TMEM144: variants seen among roughly 807,000 people sequenced by gnomAD.
TMEM144 encodes transmembrane protein 144.
Under a neutral mutation model 43.6 loss-of-function variants are expected in TMEM144, and 39 were observed. The observed-to-expected ratio is 0.90, with a 90% CI of 0.69 to 1.17. TMEM144 has a LOEUF of 1.17. Ranked by LOEUF, TMEM144 falls within the 50% of genes most tolerant of loss-of-function variation. The pLI, the probability that TMEM144 is intolerant of heterozygous loss-of-function variation, is 0.00. For missense variants in TMEM144, 417 were observed against 411.9 expected (o/e 1.01, Z -0.11); for synonymous variants, 154 against 133.6 (o/e 1.15, Z -1.06).
chr4:158,247,475 A>G (rs1386188553), intron 12 of TMEM144, among the ~76,000 whole-genome samples: 1 of 152,072 alleles, frequency 6.6e-6, no homozygotes, highest in East Asian at 1.9e-4. Context: ...ATTGGTGACA[A>G]AAATTAAAAA....
At chr4:158,249,272 A>G (rs1398988719) in intron 12 of TMEM144, among the ~76,000 whole-genome samples, 4 of 152,196 alleles carry the variant, frequency 2.6e-5, no homozygotes, top group Non-Finnish European at 5.9e-5. Flanking sequence ...TAAATCTTTA[A>G]GCTAGATATA....
chr4:158,216,723 A>T (rs568612336), intron 4 of TMEM144, among the ~76,000 whole-genome samples: 3 of 152,252 alleles, frequency 2.0e-5, no homozygotes, highest in Non-Finnish European at 4.4e-5. Flanking sequence ...GAAAAATAGT[A>T]GCCAGAGAAA....
rs5863314 is a variant in TMEM144, at chr4:158,250,195, C to CAT, written c.955-3215_955-3214dup. ...TTTGATTTTGTTAATTAATACATAA[C>CAT]ATATATATATATATATATATATATA... On this transcript the variant is annotated intron_variant, in intron 12 of 12. Transcript: ENST00000296529. Among the ~76,000 whole-genome samples, 1,259 of 135,282 alleles carry CAT rather than the reference C, an allele frequency of 9.3e-3. 5 individuals carry two copies. Among genetic ancestry groups the CAT allele is most frequent in the African/African-American group, 0.014 (552 of 38,262 alleles). The allele number at this position is 135,282 out of a possible 152,430, so 88.8% of individuals were successfully genotyped here. A position where few individuals can be genotyped will look rare whatever the true frequency, so the allele number is the denominator to read the frequency against.
intron 8 of TMEM144, among the ~76,000 whole-genome samples, chr4:158,236,640 T>C (rs1297900889): frequency 6.6e-6 from 1 of 152,100 alleles, no homozygotes; most frequent in African/African-American, 2.4e-5. Context: ...TGGAGGGAAT[T>C]GTTTTTGCCT....
intron 5 of TMEM144, 58 bp from the exon 6 acceptor site, chr4:158,219,252 A>C: frequency 6.4e-7 from 1 of 1,573,020 alleles, no homozygotes; most frequent in Non-Finnish European, 8.7e-7. Context: ...ATGCCCTTAA[A>C]CATTATGGTG....
intron 4 of TMEM144, 65 bp downstream of exon 4, chr4:158,215,378 A>C (rs1198994451): frequency 6.5e-7 from 1 of 1,550,318 alleles, no homozygotes; most frequent in Non-Finnish European, 8.8e-7. Flanking sequence ...TCTCGTTCAC[A>C]ATAGGAGGAA....
intron 12 of TMEM144, among the ~76,000 whole-genome samples, chr4:158,247,682 T>A: frequency 6.6e-6 from 1 of 152,208 alleles, no homozygotes; most frequent in East Asian, 1.9e-4. Context: ...AATTAACAAG[T>A]AATGTGCCAG....
At chr4:158,212,852 T>C (rs548761342) in intron 3 of TMEM144, 76 bp downstream of exon 3, 1 of 1,136,960 alleles carries the variant, frequency 8.8e-7, no homozygotes, top group Non-Finnish European at 1.3e-6. Context: ...TTTAAAAGTA[T>C]AGCTACAAAA....
intron 12 of TMEM144, among the ~76,000 whole-genome samples, chr4:158,249,887 G>GGTGTGTGTGT (rs149144602): frequency 0.019 from 2,547 of 134,468 alleles, 43 homozygotes; most frequent in Non-Finnish European, 0.027. Flanking sequence ...CCTACTGCCA[G>GGTGTGTGTGT]GTGTGTGTGT....
chr4:158,249,187 G>T lies in TMEM144; in HGVS notation c.955-4257G>T, dbSNP rs1192199777. ...CCCAAAGTGCTGGGATTACAGGCGT[G>T]AGCCACCGTGCCCGGCCCTGATATT... is the stretch of plus-strand genomic sequence containing the variant. On this transcript the variant is annotated intron_variant, in intron 12 of 12. Transcript: ENST00000296529. 5.3e-5 allele frequency among the ~76,000 whole-genome samples: 8 copies of T among 152,294 alleles called. No individual in the cohort carries two copies. The East Asian group carries it at 1.5e-3, about 29-fold the overall frequency.
At chr4:158,230,690 A>T (rs1257168695) in intron 6 of TMEM144, among the ~76,000 whole-genome samples, 1 of 151,898 alleles carries the variant, frequency 6.6e-6, no homozygotes, top group Non-Finnish European at 1.5e-5. Context: ...ACTCATATAT[A>T]TTAGGCTTTA....
At chr4:158,232,311 T>G (rs1735121582) in intron 6 of TMEM144, among the ~76,000 whole-genome samples, 1 of 152,196 alleles carries the variant, frequency 6.6e-6, no homozygotes, top group African/African-American at 2.4e-5. Flanking sequence ...AGCATAGAGA[T>G]CATCATTATT....
At chr4:158,251,937 A>C (rs546487288) in intron 12 of TMEM144, among the ~76,000 whole-genome samples, 1 of 152,312 alleles carries the variant, frequency 6.6e-6, no homozygotes, top group East Asian at 1.9e-4. Context: ...TTTAAACATA[A>C]AGAAGGATAT....
Position 158,242,512 on chromosome 4 carries a change from A to G in TMEM144, c.900+906A>G, listed in dbSNP as rs1056859374. Among the ~76,000 whole-genome samples, 15 of 152,340 alleles carry G rather than the reference A, an allele frequency of 9.8e-5. No homozygotes were observed. The East Asian group carries it at 1.2e-3, about 12-fold the overall frequency. On this transcript the variant is annotated intron_variant, in intron 11 of 12. Transcript: ENST00000296529. ...GTTTCAACAATTATGAATATGGTCA[A>G]TCAATTTTATCAGAATACATTTTAA...
chr4:158,235,355 A>G (rs1168412550), intron 7 of TMEM144, 83 bp from the exon 8 acceptor site: 3 of 1,407,146 alleles, frequency 2.1e-6, no homozygotes, highest in Non-Finnish European at 3.0e-6. Flanking sequence ...GAAAGAGAAG[A>G]GAAAAGCACT....
chr4:158,246,097 C>G (rs1247211951), intron 12 of TMEM144, among the ~76,000 whole-genome samples: 1 of 152,172 alleles, frequency 6.6e-6, no homozygotes, highest in Admixed American at 6.5e-5. Flanking sequence ...AAGACCCTGT[C>G]TCCCTAACAA....
At chr4:158,219,103 C>T (rs1361514634) in intron 5 of TMEM144, among the ~76,000 whole-genome samples, 1 of 151,904 alleles carries the variant, frequency 6.6e-6, no homozygotes, top group Non-Finnish European at 1.5e-5. Flanking sequence ...ACAGAGCAAG[C>T]CTCCATCTCA....
chr4:158,251,096 C>T (rs1736178490), intron 12 of TMEM144, among the ~76,000 whole-genome samples: 1 of 152,074 alleles, frequency 6.6e-6, no homozygotes, highest in Non-Finnish European at 1.5e-5. Context: ...TACCCATGAA[C>T]CATTGTTATT....
At chr4:158,242,076 C>A (rs1289077119) in intron 11 of TMEM144, among the ~76,000 whole-genome samples, 1 of 152,144 alleles carries the variant, frequency 6.6e-6, no homozygotes. Flanking sequence ...AAAATGAAAG[C>A]CTAATTCAAA....
Sources: allele counts gnomAD v4.1 joint callset (sites outside exome capture counted in the v4.1 genomes callset), GRCh38; gene constraint gnomAD v4.1.1; transcripts MANE v1.5; gene names NCBI Gene and HGNC (gene_info 2026-07-23, HGNC 2026-07-21).